CAPN9: variants seen among roughly 807,000 people sequenced by gnomAD.
CAPN9 encodes the protein calpain-9.
CAPN9 carries 81 observed loss-of-function variants against 92.8 expected under a neutral mutation model. The ratio of observed to expected loss-of-function variants is 0.87; its 90% CI spans 0.73 to 1.05. The LOEUF (loss-of-function observed/expected upper bound fraction) is 1.05, where lower values mean the gene tolerates loss of function less well. Among genes scored for constraint, CAPN9 ranks in the 50% least tolerant of loss-of-function variants. The pLI is 0.00. For synonymous variants in CAPN9, 304 were observed against 328.0 expected (o/e 0.93, Z 0.79); for missense variants, 848 against 866.2 (o/e 0.98, Z 0.26).
At chr1:230,770,989 T>C (rs550744004) in intron 6 of CAPN9, among the ~76,000 whole-genome samples, 1 of 152,330 alleles carries the variant, frequency 6.6e-6, no homozygotes, top group South Asian at 2.1e-4. Flanking sequence ...TTTGTCCTCC[T>C]TCACCATCCA....
intron 14 of CAPN9, among the ~76,000 whole-genome samples, chr1:230,791,132 G>A (rs912437024): frequency 6.6e-6 from 1 of 151,994 alleles, no homozygotes; most frequent in Non-Finnish European, 1.5e-5. Context: ...ATCTATTGGT[G>A]GCCACGTGGG....
At chr1:230,789,363 C>T (rs1343082116) in intron 13 of CAPN9, among the ~76,000 whole-genome samples, 2 of 150,500 alleles carry the variant, frequency 1.3e-5, no homozygotes, top group African/African-American at 4.9e-5. Flanking sequence ...GTCCCAGCTA[C>T]TTGGGAGGCT....
chr1:230,767,414 A>G, intron 4 of CAPN9, 127 bp from the exon 5 acceptor site: 2 of 735,716 alleles, frequency 2.7e-6, no homozygotes, highest in Non-Finnish European at 2.2e-6. Context: ...TCTTCCTTCC[A>G]CACCACCCAG....
intron 19 of CAPN9, among the ~76,000 whole-genome samples, chr1:230,799,016 T>C (rs1668522392): frequency 6.6e-6 from 1 of 152,122 alleles, no homozygotes; most frequent in Non-Finnish European, 1.5e-5. Context: ...TTATCTCCCT[T>C]TTCCTTCTTT....
intron 13 of CAPN9, among the ~76,000 whole-genome samples, chr1:230,788,828 G>T (rs1667783380): frequency 6.6e-6 from 1 of 152,170 alleles, no homozygotes; most frequent in Non-Finnish European, 1.5e-5. Context: ...GCTCAGAGGA[G>T]TTAAAGAGGT....
At chr1:230,787,265 G>A (rs758566416) in intron 12 of CAPN9, among the ~76,000 whole-genome samples, 1 of 152,168 alleles carries the variant, frequency 6.6e-6, no homozygotes, top group Non-Finnish European at 1.5e-5. Flanking sequence ...CTTAGGCACG[G>A]GTCAAGGTCC....
chr1:230,778,759 C>T (rs2102891669), intron 8 of CAPN9, among the ~76,000 whole-genome samples: 1 of 152,338 alleles, frequency 6.6e-6, no homozygotes, highest in Non-Finnish European at 1.5e-5. Context: ...TTAACATCTA[C>T]AATCAATCTA....
At chr1:230,748,868 C>T (rs1571999548) in intron 1 of CAPN9, among the ~76,000 whole-genome samples, 1 of 152,074 alleles carries the variant, frequency 6.6e-6, no homozygotes, top group East Asian at 1.9e-4. Context: ...AGGGGCAGGG[C>T]CAAAGTGAAC....
intron 16 of CAPN9, 135 bp downstream of exon 16, chr1:230,792,629 C>T (rs1668077949): frequency 5.0e-6 from 4 of 801,994 alleles, no homozygotes; most frequent in Admixed American, 1.9e-5. Context: ...GGGAAAACAG[C>T]ATCATGCTAT....
rs28359687 is a variant in CAPN9 at position 230,780,514 on chromosome 1, C to T, written c.1287C>T (p.Asp429=). Residue 429 remains aspartate, a synonymous_variant, in exon 11 of 20, where the codon GAC becomes GAT. Transcript: ENST00000271971. ...GCCCATTGCAGTGCCCTGACAAAGACGAACACCTGAACAAAGACTTCTTCA... is the reference window on the plus strand; with the variant it reads ...GCCCATTGCAGTGCCCTGACAAAGATGAACACCTGAACAAAGACTTCTTCA... ...GYAIYECPDK[D]EHLNKDFFRY... 0.15 allele frequency: 237,441 copies of T among 1,613,168 alleles called. 18,433 individuals carry two copies. The highest frequency in any genetic ancestry group is 0.16 in the Non-Finnish European group (184,869 of 1,179,292).
Position 230,786,019 on chromosome 1 carries a change from TGA to T in CAPN9, c.1518+4_1518+5del. 1.2e-6 allele frequency: 2 copies of T among 1,613,790 alleles called. No individual in the cohort carries two copies. The highest frequency in any genetic ancestry group is 1.3e-5 in the African/African-American group (1 of 75,050). On this transcript the variant is annotated splice_donor_region_variant and intron_variant, in intron 12 of 19. Transcript: ENST00000271971. ...AATGTAGACATTGACCTTCCTGAGG[TGA>T]GTCTTCTGATGTTGCTATGGAGTAT...
chr1:230,794,162 G>T (rs1193150473), intron 17 of CAPN9, among the ~76,000 whole-genome samples: 1 of 152,156 alleles, frequency 6.6e-6, no homozygotes, highest in Non-Finnish European at 1.5e-5. Context: ...AAGGGGGAAA[G>T]AAATCACTTC....
chr1:230,780,405 C>A, intron 10 of CAPN9, 69 bp downstream of exon 10: 2 of 1,598,126 alleles, frequency 1.3e-6, no homozygotes, highest in South Asian at 1.1e-5. Context: ...CCTCCTCGGT[C>A]TCACACCCGA....
At chr1:230,780,747 T>A (rs750025876) in intron 11 of CAPN9, 39 bp downstream of exon 11, 1 of 1,555,256 alleles carries the variant, frequency 6.4e-7, no homozygotes, top group East Asian at 2.2e-5. Flanking sequence ...CCACTTCTTT[T>A]AGTGGTTTAT....
intron 13 of CAPN9, among the ~76,000 whole-genome samples, 184 bp downstream of exon 13, chr1:230,787,786 A>T (rs1393069420): frequency 6.6e-6 from 1 of 152,202 alleles, no homozygotes; most frequent in Non-Finnish European, 1.5e-5. Flanking sequence ...ACATTTACTT[A>T]CACAGTCTGC....
chr1:230,762,900 G>A, intron 4 of CAPN9, 114 bp downstream of exon 4: 1 of 1,152,946 alleles, frequency 8.7e-7, no homozygotes, highest in South Asian at 1.7e-5. Context: ...TTGCAGGTGA[G>A]GCTCGGCAGG....
At chr1:230,765,424 C>T (rs780885542) in intron 4 of CAPN9, among the ~76,000 whole-genome samples, 3 of 152,054 alleles carry the variant, frequency 2.0e-5, no homozygotes, top group Non-Finnish European at 2.9e-5. Flanking sequence ...TTTGGGAGGC[C>T]GAAGTAGGTG....
chr1:230,792,638 A>C, intron 16 of CAPN9, 144 bp downstream of exon 16: 1 of 781,800 alleles, frequency 1.3e-6, no homozygotes, highest in Non-Finnish European at 2.2e-6. Flanking sequence ...GCATCATGCT[A>C]TTCCGATGCT....
intron 16 of CAPN9, 84 bp from the exon 17 acceptor site, chr1:230,792,766 C>T (rs7522057): frequency 6.7e-5 from 78 of 1,167,602 alleles, no homozygotes; most frequent in Admixed American, 1.4e-4. Context: ...GTAGCTCCCC[C>T]GGGCTGGCTG....
Sources: allele counts gnomAD v4.1 joint callset (sites outside exome capture counted in the v4.1 genomes callset), GRCh38; gene constraint gnomAD v4.1.1; transcripts MANE v1.5; gene names NCBI Gene and HGNC (gene_info 2026-07-23, HGNC 2026-07-21).